ITIH5: variants seen among roughly 807,000 people sequenced by gnomAD.
The protein encoded by ITIH5 is inter-alpha-trypsin inhibitor heavy chain 5.
ITIH5 carries 65 observed loss-of-function variants against 77.5 expected under a neutral mutation model. The ratio of observed to expected loss-of-function variants is 0.84; its 90% CI spans 0.69 to 1.03. The LOEUF (loss-of-function observed/expected upper bound fraction) is 1.03. Among genes scored for constraint, ITIH5 ranks in the 50% least tolerant of loss-of-function variants. ITIH5 has a pLI of 0.00. For missense variants in ITIH5, 1,208 were observed against 1,213.1 expected, an observed-to-expected ratio of 1.00 and a Z score of 0.06; for synonymous variants, 525 against 494.3, an observed-to-expected ratio of 1.06 and a Z score of -0.82.
chr10:7,619,043 A>T (rs922760060), intron 5 of ITIH5: 1 of 152,234 alleles, frequency 6.6e-6, no homozygotes, highest in African/African-American at 2.4e-5. Context: ...GAGTCCACAG[A>T]TCTGCTCATC....
chr10:7,638,758 C>T (rs1209934074), intron 4 of ITIH5, among the ~76,000 whole-genome samples: 1 of 152,160 alleles, frequency 6.6e-6, no homozygotes, highest in East Asian at 1.9e-4. Context: ...TGCATCAAGG[C>T]TGAAAAGCAA....
At chr10:7,595,255 A>C (rs1832871646) in intron 7 of ITIH5, among the ~76,000 whole-genome samples, 1 of 152,212 alleles carries the variant, frequency 6.6e-6, no homozygotes, top group Non-Finnish European at 1.5e-5. Flanking sequence ...ATTAAAATTG[A>C]AAAAATAAAA....
At chr10:7,624,159 C>T (rs926177775) in intron 5 of ITIH5, among the ~76,000 whole-genome samples, 1 of 152,144 alleles carries the variant, frequency 6.6e-6, no homozygotes, top group Non-Finnish European at 1.5e-5. Flanking sequence ...TGTGTGAAAA[C>T]AAGTACAACT....
At position 7,563,394 on chromosome 10, in the gene ITIH5, C is replaced by T; in HGVS notation, c.2528-10G>A. 2.5e-6 allele frequency: 4 copies of T among 1,606,226 alleles called. No individual in the cohort carries two copies. Among genetic ancestry groups the T allele is most frequent in the Non-Finnish European group, 3.4e-6 (4 of 1,174,182 alleles). On this transcript the variant is annotated splice_polypyrimidine_tract_variant and intron_variant, in intron 13 of 13. Coordinates refer to ENST00000397146, the MANE Select transcript of ITIH5 (RefSeq NM_030569.7). Reference sequence around the variant, plus strand: ...TGATTCAGGAACTGACCTGGGAGGACAAGGAAAAGCATCGGGTCTCAGTCA... The same window carrying T: ...TGATTCAGGAACTGACCTGGGAGGATAAGGAAAAGCATCGGGTCTCAGTCA...
intron 1 of ITIH5, 100 bp downstream of exon 1, chr10:7,666,703 G>A (rs1834367029): frequency 2.3e-6 from 2 of 888,266 alleles, no homozygotes; most frequent in Admixed American, 2.5e-5. Context: ...GGGGGCCTGG[G>A]AGACGGTCGA....
In ITIH5 at chr10:7,651,796, G is replaced by A. The variant is rs558228210; in HGVS notation, c.135+3835C>T. ...CATTCCTTCCCATGAAAACCCCAAT[G>A]CAGGCTCTGAGACACACACTGTCCT... On this transcript the variant is annotated intron_variant, in intron 2 of 13. Coordinates refer to ENST00000397146, the MANE Select transcript of ITIH5 (RefSeq NM_030569.7). Among the ~76,000 whole-genome samples, 4 of 152,136 alleles carry A rather than the reference G, an allele frequency of 2.6e-5. No homozygotes were observed. In the South Asian group the frequency reaches 8.3e-4, roughly 32 times the overall value.
intron 7 of ITIH5, among the ~76,000 whole-genome samples, chr10:7,613,414 T>G (rs1027481240): frequency 1.3e-5 from 2 of 152,128 alleles, no homozygotes; most frequent in African/African-American, 4.8e-5. Flanking sequence ...GGAAAAACTT[T>G]GGGAAACCTA....
chr10:7,655,508 C>A (rs1834166352), intron 2 of ITIH5, 123 bp downstream of exon 2: 1 of 743,648 alleles, frequency 1.3e-6, no homozygotes, highest in African/African-American at 1.8e-5. Context: ...TGTTTCATCT[C>A]AGAATTTTTC....
At chr10:7,593,858 C>T (rs1167579919) in intron 7 of ITIH5, among the ~76,000 whole-genome samples, 4 of 152,104 alleles carry the variant, frequency 2.6e-5, no homozygotes, top group Non-Finnish European at 4.4e-5. Context: ...CTGGCCCCAC[C>T]AATCCTTGCA....
At chr10:7,566,914 GAAGAA>G in intron 12 of ITIH5, among the ~76,000 whole-genome samples, 1 of 108,350 alleles carries the variant, frequency 9.2e-6, no homozygotes. Flanking sequence ...AGAAGAAGAA[GAAGAA>G]GAAAAGAAAA....
chr10:7,628,342 T>C (rs951293209), intron 5 of ITIH5, among the ~76,000 whole-genome samples: 2 of 152,234 alleles, frequency 1.3e-5, no homozygotes, highest in Non-Finnish European at 2.9e-5. Context: ...GATTTGTGTG[T>C]TCTGGACATT....
intron 2 of ITIH5, among the ~76,000 whole-genome samples, chr10:7,655,132 C>G (rs1564282766): frequency 6.6e-6 from 1 of 152,140 alleles, no homozygotes; most frequent in Non-Finnish European, 1.5e-5. Flanking sequence ...ATATTTCACT[C>G]CATGCACAGT....
intron 10 of ITIH5, among the ~76,000 whole-genome samples, chr10:7,575,241 TATG>T (rs1344817717): frequency 6.6e-6 from 1 of 152,118 alleles, no homozygotes; most frequent in Non-Finnish European, 1.5e-5. Context: ...GCAGGGAAAT[TATG>T]ATTATCTCCG....
At chr10:7,628,474 C>T (rs565800782) in intron 5 of ITIH5, among the ~76,000 whole-genome samples, 60 of 140,506 alleles carry the variant, frequency 4.3e-4, no homozygotes, top group Middle Eastern at 8.2e-3. Context: ...ATCCGTGCTG[C>T]GGCATGTGTC....
chr10:7,597,837 C>T (rs572810834), intron 7 of ITIH5, among the ~76,000 whole-genome samples: 2 of 152,268 alleles, frequency 1.3e-5, no homozygotes, highest in South Asian at 4.1e-4. Flanking sequence ...TTACATTCTG[C>T]AGGTCATTCA....
At chr10:7,580,267 C>T (rs567740368) in intron 8 of ITIH5, among the ~76,000 whole-genome samples, 2 of 152,288 alleles carry the variant, frequency 1.3e-5, no homozygotes, top group East Asian at 3.9e-4. Context: ...ATTACAGGTG[C>T]ACACCACCAC....
rs377166851 is a variant in ITIH5 at position 7,580,052 on chromosome 10, T to C, written c.1121A>G (p.Asn374Ser). 7.3e-5 allele frequency: 117 copies of C among 1,602,552 alleles called. No individual in the cohort carries two copies. Among genetic ancestry groups the C allele is most frequent in the Middle Eastern group, 2.0e-4 (1 of 4,980 alleles). ...HMSPTGGTDI[N>S]GALQRAIRLL... ...CCTGATGGCCCTCTGCAGGGCCCCG[T>C]TGATGTCTGTGCCTGCAGGACACCA... The change falls in exon 9 of 14, where the codon AAC (asparagine) becomes AGC (serine). Residue 374 changes from asparagine (N) to serine (S), a missense_variant. Coordinates refer to ENST00000397146, the MANE Select transcript of ITIH5 (RefSeq NM_030569.7).
intron 13 of ITIH5, among the ~76,000 whole-genome samples, chr10:7,563,625 G>T (rs1359544405): frequency 1.3e-5 from 2 of 152,230 alleles, no homozygotes; most frequent in African/African-American, 4.8e-5. Context: ...ACACTAGAAA[G>T]TTGTGTAACC....
At chr10:7,617,367 T>G (rs1356557964) in intron 5 of ITIH5, 85 bp from the exon 6 acceptor site, 2 of 857,920 alleles carry the variant, frequency 2.3e-6, no homozygotes, top group African/African-American at 3.5e-5. Flanking sequence ...ACACAGAGTT[T>G]TAGATTTCAT....
Sources: allele counts gnomAD v4.1 joint callset (sites outside exome capture counted in the v4.1 genomes callset), GRCh38; gene constraint gnomAD v4.1.1; transcripts MANE v1.5; gene names NCBI Gene and HGNC (gene_info 2026-07-23, HGNC 2026-07-21).